Variants in GRB10 observed in about 807,000 individuals in gnomAD.
GRB10 encodes growth factor receptor bound protein 10, also known as growth factor receptor-bound protein 10.
GRB10 carries 20 observed loss-of-function variants against 80.9 expected under a neutral mutation model. That is an observed-to-expected ratio of 0.25 (90% confidence interval 0.17 to 0.36). The LOEUF (loss-of-function observed/expected upper bound fraction) is 0.36, where lower values mean the gene tolerates loss of function less well. Ranked by LOEUF, GRB10 falls within the 10% of genes least tolerant of loss-of-function variation. The pLI, the probability that GRB10 is intolerant of heterozygous loss-of-function variation, is 1.00. For missense variants in GRB10, 548 were observed against 747.7 expected, an observed-to-expected ratio of 0.73 and a Z score of 3.12; for synonymous variants, 291 against 291.5, an observed-to-expected ratio of 1.00 and a Z score of 0.02.
chr7:50,595,602 TAC>T (rs59746858), intron 17 of GRB10, 72 bp from the exon 18 acceptor site: 38,388 of 553,132 alleles, frequency 0.069, 174 homozygotes, highest in South Asian at 0.089. Context: ...CACACTCTCT[TAC>T]ACACACACAC....
chr7:50,639,171 T>C (rs1012473431), intron 7 of GRB10, among the ~76,000 whole-genome samples: 1 of 152,182 alleles, frequency 6.6e-6, no homozygotes, highest in African/African-American at 2.4e-5. Context: ...ATGGGTACAG[T>C]AGAAACTCAA....
At chr7:50,673,572 T>TC (rs1487925334) in intron 6 of GRB10, among the ~76,000 whole-genome samples, 1 of 151,500 alleles carries the variant, frequency 6.6e-6, no homozygotes, top group East Asian at 1.9e-4. Context: ...CGTGCTCAAA[T>TC]CCCCCCTCCT....
chr7:50,758,625 C>T (rs552593835), intron 2 of GRB10, among the ~76,000 whole-genome samples: 10 of 152,262 alleles, frequency 6.6e-5, no homozygotes, highest in East Asian at 1.9e-4. Flanking sequence ...TCAGCCTGTT[C>T]GGCCAGAGAG....
At chr7:50,620,093 C>T (rs973154109) in intron 8 of GRB10, among the ~76,000 whole-genome samples, 5 of 152,164 alleles carry the variant, frequency 3.3e-5, no homozygotes, top group African/African-American at 4.8e-5. Flanking sequence ...CCAGAGAGGC[C>T]GCACTGCTCC....
At chr7:50,760,453 A>C (rs1436464509) in intron 2 of GRB10, among the ~76,000 whole-genome samples, 1 of 152,250 alleles carries the variant, frequency 6.6e-6, no homozygotes, top group Non-Finnish European at 1.5e-5. Flanking sequence ...AGTAATATAA[A>C]TATCCAAAAC....
upstream of GRB10, among the ~76,000 whole-genome samples, chr7:50,786,827 T>C (rs1017349373): frequency 6.6e-6 from 1 of 152,096 alleles, no homozygotes; most frequent in Non-Finnish European, 1.5e-5. Context: ...CCTGGGACAA[T>C]GGAGAAGAAA....
At chr7:50,615,008 T>C in intron 11 of GRB10, 128 bp from the exon 12 acceptor site, 2 of 710,940 alleles carry the variant, frequency 2.8e-6, no homozygotes, top group Non-Finnish European at 5.1e-6. Context: ...ACATATTACA[T>C]ATGATTATTA....
chr7:50,700,603 G>C (rs1328606002), intron 5 of GRB10, among the ~76,000 whole-genome samples: 1 of 151,966 alleles, frequency 6.6e-6, no homozygotes, highest in Non-Finnish European at 1.5e-5. Flanking sequence ...TTGAAGCTTA[G>C]AAAGTTAGCC....
At chr7:50,637,941 A>T (rs1243769671) in intron 7 of GRB10, among the ~76,000 whole-genome samples, 3 of 152,208 alleles carry the variant, frequency 2.0e-5, no homozygotes, top group Non-Finnish European at 4.4e-5. Context: ...GACAAAAATA[A>T]ACAATGGCAA....
chr7:50,687,937 C>T (rs1479622517), intron 5 of GRB10, among the ~76,000 whole-genome samples: 1 of 152,266 alleles, frequency 6.6e-6, no homozygotes, highest in Admixed American at 6.5e-5. Flanking sequence ...TATTGTATTT[C>T]ACAAGTATTC....
intron 4 of GRB10, among the ~76,000 whole-genome samples, chr7:50,706,898 G>GCA (rs1369188535): frequency 6.6e-6 from 1 of 152,202 alleles, no homozygotes; most frequent in Non-Finnish European, 1.5e-5. Flanking sequence ...CATCCCTGGT[G>GCA]GCCCGCTGGC....
At chr7:50,606,284 T>C in intron 14 of GRB10, 53 bp downstream of exon 14, 4 of 1,372,838 alleles carry the variant, frequency 2.9e-6, no homozygotes, top group Non-Finnish European at 4.2e-6. Context: ...TTAACACATG[T>C]GATGCAGAAG....
At position 50,694,108 on chromosome 7, in the gene GRB10, A is replaced by G. The variant is rs376076501; in HGVS notation, c.139+9713T>C. Reference sequence around the variant, plus strand: ...TAATCCCAGCACGGACAGATCACCCAAAGTAAGGAATTCAAGACCAGCCTG... The same window carrying G: ...TAATCCCAGCACGGACAGATCACCCGAAGTAAGGAATTCAAGACCAGCCTG... On this transcript the variant is annotated intron_variant, in intron 5 of 18. Transcript: ENST00000401949. Among the ~76,000 whole-genome samples the G allele has an allele frequency of 5.9e-5, 9 of 152,232 alleles. No individual in the cohort carries two copies. The East Asian group carries it at 7.7e-4, about 13-fold the overall frequency.
intron 3 of GRB10, among the ~76,000 whole-genome samples, chr7:50,750,653 G>A (rs55847599): frequency 6.6e-6 from 1 of 152,056 alleles, no homozygotes; most frequent in Non-Finnish European, 1.5e-5. Flanking sequence ...GGTTTCCCAC[G>A]CCCACCCCCA....
At chr7:50,744,396 A>G (rs1216205628) in intron 3 of GRB10, among the ~76,000 whole-genome samples, 1 of 152,140 alleles carries the variant, frequency 6.6e-6, no homozygotes, top group Non-Finnish European at 1.5e-5. Context: ...TACACAGCTG[A>G]GCACTGAACA....
intron 5 of GRB10, among the ~76,000 whole-genome samples, chr7:50,702,024 G>C (rs946442582): frequency 6.6e-6 from 1 of 152,184 alleles, no homozygotes; most frequent in African/African-American, 2.4e-5. Flanking sequence ...TTTGTGGATT[G>C]TTTTGTTTTT....
At chr7:50,607,888 G>C (rs2048816692) in intron 13 of GRB10, among the ~76,000 whole-genome samples, 1 of 152,198 alleles carries the variant, frequency 6.6e-6, no homozygotes, top group Non-Finnish European at 1.5e-5. Flanking sequence ...GAAAGAGTCA[G>C]AAACAGGAAG....
rs372215922 is a variant in GRB10, at chr7:50,756,904, G to A, written c.-216-848C>T. On this transcript the variant is annotated intron_variant, in intron 2 of 18. Transcript: ENST00000401949. ...GGCTTAGCAGTGTGACTGGCATGCA[G>A]CAAGGGTGCCATCCAGGAGCCTCCT... is the stretch of plus-strand genomic sequence containing the variant. Among the ~76,000 whole-genome samples the A allele has an allele frequency of 3.3e-5, 5 of 152,230 alleles. No individual in the cohort carries two copies. The East Asian group carries it at 9.6e-4, about 29-fold the overall frequency.
intron 8 of GRB10, among the ~76,000 whole-genome samples, chr7:50,621,056 C>T (rs991933876): frequency 2.6e-5 from 4 of 152,190 alleles, no homozygotes; most frequent in Non-Finnish European, 4.4e-5. Flanking sequence ...GTTTCCAAAG[C>T]GAAGGGCATT....
Sources: gnomAD v4.1 joint callset for allele counts (sites outside exome capture counted in the v4.1 genomes callset) on GRCh38, gnomAD v4.1.1 for gene constraint, MANE v1.5 for transcripts, NCBI Gene and HGNC (gene_info 2026-07-23, HGNC 2026-07-21) for gene names.